Variants in TRIM33 observed in about 807,000 individuals in gnomAD.
TRIM33 encodes the protein tripartite motif containing 33.
A neutral mutation model predicts 125.4 loss-of-function variants in TRIM33; 20 were observed. That is an observed-to-expected ratio of 0.16 (90% CI 0.11 to 0.23). TRIM33 has a LOEUF of 0.23. Among genes scored for constraint, TRIM33 ranks in the 10% least tolerant of loss-of-function variants. TRIM33 has a pLI of 1.00. For synonymous variants in TRIM33, 564 were observed against 513.9 expected, an observed-to-expected ratio of 1.10 and a Z score of -1.32; for missense variants, 920 against 1,411.4, an observed-to-expected ratio of 0.65 and a Z score of 5.58.
intron 4 of TRIM33, among the ~76,000 whole-genome samples, chr1:114,436,967 G>A (rs1465946233): frequency 1.3e-5 from 2 of 152,142 alleles, no homozygotes; most frequent in South Asian, 2.1e-4. Flanking sequence ...ACATTGTGAT[G>A]AAAAACAATC....
intron 1 of TRIM33, among the ~76,000 whole-genome samples, chr1:114,503,474 T>C (rs1259537690): frequency 2.6e-5 from 4 of 152,148 alleles, no homozygotes; most frequent in Non-Finnish European, 5.9e-5. Flanking sequence ...CAAGACTCCA[T>C]CTCAAAAAAT....
At chr1:114,429,190 C>CTTT (rs34957665) in intron 6 of TRIM33, among the ~76,000 whole-genome samples, 1 of 140,304 alleles carries the variant, frequency 7.1e-6, no homozygotes, top group Non-Finnish European at 1.6e-5. Context: ...CACAAGAGTA[C>CTTT]TTTTTTTTTT....
chr1:114,448,110 G>A (rs560773174), intron 4 of TRIM33, among the ~76,000 whole-genome samples: 1 of 152,300 alleles, frequency 6.6e-6, no homozygotes, highest in East Asian at 1.9e-4. Flanking sequence ...AATTGTTAGA[G>A]ACTGAAAAAC....
chr1:114,414,987 C>CTCTTTTTTTTTT, intron 11 of TRIM33, among the ~76,000 whole-genome samples: 1 of 108,208 alleles, frequency 9.2e-6, no homozygotes, highest in Non-Finnish European at 1.9e-5. Context: ...GAGGTAGATT[C>CTCTTTTTTTTTT]TATTTTTTTT....
intron 4 of TRIM33, among the ~76,000 whole-genome samples, chr1:114,437,304 T>A (rs2101219227): frequency 6.6e-6 from 1 of 152,324 alleles, no homozygotes; most frequent in African/African-American, 2.4e-5. Context: ...TACTTCAAAG[T>A]AATTTCTTAG....
intron 11 of TRIM33, among the ~76,000 whole-genome samples, chr1:114,420,731 C>T (rs1050628258): frequency 1.3e-5 from 2 of 152,176 alleles, no homozygotes; most frequent in Non-Finnish European, 2.9e-5. Flanking sequence ...AAGACTGAAT[C>T]AAGCTAATGA....
At chr1:114,500,231 A>G (rs1652630406) in intron 1 of TRIM33, among the ~76,000 whole-genome samples, 1 of 152,246 alleles carries the variant, frequency 6.6e-6, no homozygotes, top group Non-Finnish European at 1.5e-5. Context: ...GTGTATAAAT[A>G]GGCAGACACA....
chr1:114,485,394 G>A (rs1475761907), intron 1 of TRIM33, among the ~76,000 whole-genome samples: 1 of 152,060 alleles, frequency 6.6e-6, no homozygotes, highest in African/African-American at 2.4e-5. Flanking sequence ...GGAATAAGGG[G>A]GTAAGAGACC....
intron 11 of TRIM33, among the ~76,000 whole-genome samples, chr1:114,412,670 C>T (rs1003845144): frequency 2.6e-5 from 4 of 151,974 alleles, no homozygotes; most frequent in African/African-American, 9.7e-5. Context: ...GAGATTTATC[C>T]TTGCTGTTGG....
At chr1:114,432,762 G>C (rs996106291) in intron 5 of TRIM33, among the ~76,000 whole-genome samples, 4 of 152,036 alleles carry the variant, frequency 2.6e-5, no homozygotes, top group African/African-American at 9.7e-5. Context: ...CTCCAGCCTG[G>C]GCGACAGACC....
chr1:114,395,045 CAT>C lies in TRIM33; in HGVS notation c.*2601_*2602del, dbSNP rs1364618089. 1.6e-5 allele frequency: 3 copies of C among 192,516 alleles called. No homozygotes were observed. The highest frequency in any genetic ancestry group is 2.2e-5 in the Non-Finnish European group (2 of 92,240). The allele number at this position is 192,516 out of a possible 1,614,324, so 11.9% of individuals were successfully genotyped here. A position where few individuals can be genotyped will look rare whatever the true frequency, so the allele number is the denominator to read the frequency against. On this transcript the variant is annotated 3_prime_UTR_variant, in exon 20 of 20. Coordinates refer to ENST00000358465, the MANE Select transcript of TRIM33 (RefSeq NM_015906.4). ...CAGATACAATTTTGTCTTTTTAAAA[CAT>C]AAACTAATAGGAAAACATATATCTA...
At chr1:114,494,646 C>A (rs984128431) in intron 1 of TRIM33, among the ~76,000 whole-genome samples, 3 of 152,128 alleles carry the variant, frequency 2.0e-5, no homozygotes, top group Non-Finnish European at 4.4e-5. Flanking sequence ...GTAAGCACAA[C>A]CCGAACAGGC....
chr1:114,405,344 C>A lies in TRIM33; in HGVS notation c.2768+66G>T, dbSNP rs374471977. The A allele has an allele frequency of 5.1e-4, 658 of 1,292,180 alleles. 3 individuals carry two copies. The African/African-American group carries it at 8.9e-3, about 17-fold the overall frequency. 80.0% of individuals were successfully genotyped at this position (1,292,180 alleles called of 1,614,324 possible). ...TGGTTAGAAGGCCATCTGCCCTGAA[C>A]ATTCTTCTGTTATTTATTTTTAGCT... On this transcript the variant is annotated intron_variant, in intron 15 of 19. Coordinates refer to ENST00000358465, the MANE Select transcript of TRIM33 (RefSeq NM_015906.4).
chr1:114,449,783 T>C (rs561841694), intron 4 of TRIM33, among the ~76,000 whole-genome samples: 40 of 152,330 alleles, frequency 2.6e-4, no homozygotes, highest in African/African-American at 9.1e-4. Flanking sequence ...AACTACCACA[T>C]GCCAAACTTG....
rs756105666 is a variant in TRIM33, at chr1:114,421,473, T to C, written c.2024A>G (p.Glu675Gly). The change falls in exon 11 of 20, where the codon GAA (glutamate) becomes GGA (glycine). Residue 675 changes from glutamate to glycine, a missense_variant. Transcript: ENST00000358465. The stretch of plus-strand genomic sequence containing the variant: ...AATATCTGGCAGCGATGGAAGGTTT[T>C]CTGGATTGGTAACTGAGGGGATTAG... The part of the protein sequence containing the change: ...IELIPSVTNP[E>G]NLPSLPDIPP... The C allele has an allele frequency of 6.2e-7, 1 of 1,614,182 alleles. No homozygotes were observed. The highest frequency in any genetic ancestry group is 2.2e-5 in the East Asian group (1 of 44,890).
chr1:114,463,608 T>TAAAAA, intron 2 of TRIM33, 52 bp from the exon 3 acceptor site: 2 of 829,538 alleles, frequency 2.4e-6, no homozygotes, highest in South Asian at 1.7e-5. Context: ...AATCTAGATC[T>TAAAAA]AAAAAAAAAA....
At chr1:114,483,824 T>C (rs1290886026) in intron 1 of TRIM33, among the ~76,000 whole-genome samples, 2 of 152,120 alleles carry the variant, frequency 1.3e-5, no homozygotes, top group Non-Finnish European at 2.9e-5. Context: ...TATCACCCTG[T>C]TACCAAAGAC....
intron 4 of TRIM33, among the ~76,000 whole-genome samples, chr1:114,440,593 T>C (rs1050127751): frequency 6.6e-6 from 1 of 152,194 alleles, no homozygotes; most frequent in Non-Finnish European, 1.5e-5. Context: ...TGAACTTTTT[T>C]TGCTATCTAA....
chr1:114,405,651 C>A lies in TRIM33; in HGVS notation c.2527G>T (p.Ala843Ser), dbSNP rs1403075722. The A allele has an allele frequency of 1.9e-6, 3 of 1,614,200 alleles. No individual in the cohort carries two copies. In the South Asian group the frequency reaches 3.3e-5, roughly 18 times the overall value. Residue 843 changes from alanine (A) to serine (S), a missense_variant, in exon 15 of 20, where the codon GCA becomes TCA. Ala to Ser is a moderately conservative substitution (Grantham distance 99). Coordinates refer to ENST00000358465, the MANE Select transcript of TRIM33 (RefSeq NM_015906.4). ...TGTTTGCAGCTTTCATTCATATCTG[C>A]AGGTTCAATTTTCACATGGTTTTCC... ...SLENHVKIEP[A>S]DMNESCKQSG...
Sources: gnomAD v4.1 joint callset for allele counts (sites outside exome capture counted in the v4.1 genomes callset) on GRCh38, gnomAD v4.1.1 for gene constraint, MANE v1.5 for transcripts, NCBI Gene and HGNC (gene_info 2026-07-23, HGNC 2026-07-21) for gene names.